KCNQ5: variants seen among roughly 807,000 people sequenced by gnomAD.
The protein encoded by KCNQ5 is potassium voltage-gated channel subfamily KQT member 5.
KCNQ5 carries 30 observed loss-of-function variants against 98.2 expected under a neutral mutation model. That is an observed-to-expected ratio of 0.31 (90% CI 0.23 to 0.41). The LOEUF (loss-of-function observed/expected upper bound fraction) is 0.41. KCNQ5 is among the 10% of genes least tolerant of loss of function. The pLI, the probability that KCNQ5 is intolerant of heterozygous loss-of-function variation, is 1.00. For synonymous variants in KCNQ5, 458 were observed against 449.4 expected, an observed-to-expected ratio of 1.02 and a Z score of -0.24; for missense variants, 835 against 1,182.5, an observed-to-expected ratio of 0.71 and a Z score of 4.31.
rs1427744248 is a variant in KCNQ5, at chr6:72,688,659, T to A, written c.398+66072T>A. Among the ~76,000 whole-genome samples the A allele has an allele frequency of 2.0e-5, 3 of 152,108 alleles. No homozygotes were observed. In the East Asian group the frequency reaches 5.8e-4, roughly 29 times the overall value. The stretch of plus-strand genomic sequence containing the variant: ...ATAAGTTATCTAAGTATATACGGAG[T>A]ATGGTCATACATTAAAAAAATACAA... On this transcript the variant is annotated intron_variant, in intron 1 of 13. Coordinates refer to ENST00000370398, the MANE Select transcript of KCNQ5 (RefSeq NM_019842.4).
intron 1 of KCNQ5, among the ~76,000 whole-genome samples, chr6:72,632,287 G>A (rs1308354922): frequency 6.6e-6 from 1 of 151,736 alleles, no homozygotes; most frequent in East Asian, 1.9e-4. Flanking sequence ...ACAGGCGCCC[G>A]CGACCACCCC....
intron 1 of KCNQ5, among the ~76,000 whole-genome samples, chr6:72,810,960 C>G (rs1446122822): frequency 6.6e-6 from 1 of 152,136 alleles, no homozygotes; most frequent in Non-Finnish European, 1.5e-5. Context: ...GTCTGGTTCT[C>G]CTTGGTACAG....
chr6:72,769,506 A>G (rs924465406), intron 1 of KCNQ5, among the ~76,000 whole-genome samples: 76 of 152,142 alleles, frequency 5.0e-4, no homozygotes, highest in African/African-American at 1.8e-3. Context: ...AAATCAGAAT[A>G]TCTGGAGGGG....
intron 2 of KCNQ5, among the ~76,000 whole-genome samples, chr6:73,035,842 T>C (rs1185981177): frequency 6.6e-6 from 1 of 152,192 alleles, no homozygotes; most frequent in Non-Finnish European, 1.5e-5. Flanking sequence ...TAAGATATAG[T>C]AGACATACCC....
At chr6:73,102,170 G>T (rs1052653401) in intron 5 of KCNQ5, among the ~76,000 whole-genome samples, 66 of 152,092 alleles carry the variant, frequency 4.3e-4, no homozygotes, top group Non-Finnish European at 2.9e-5. Flanking sequence ...TTCAATAAAA[G>T]GTGCTGGAGA....
chr6:73,148,363 T>C (rs1777003553), intron 10 of KCNQ5, among the ~76,000 whole-genome samples: 1 of 152,204 alleles, frequency 6.6e-6, no homozygotes, highest in South Asian at 2.1e-4. Flanking sequence ...AATGGGGTCT[T>C]TGATTGTGAA....
At chr6:72,799,956 T>A (rs1774548390) in intron 1 of KCNQ5, among the ~76,000 whole-genome samples, 1 of 152,198 alleles carries the variant, frequency 6.6e-6, no homozygotes, top group African/African-American at 2.4e-5. Context: ...TTTTATTTAT[T>A]ATATCATATG....
chr6:73,188,706 C>T (rs1018932395), intron 11 of KCNQ5, among the ~76,000 whole-genome samples: 7 of 152,126 alleles, frequency 4.6e-5, no homozygotes, highest in African/African-American at 1.4e-4. Context: ...ACATCTAGGC[C>T]GGGCGCGGTG....
At chr6:72,750,679 A>G (rs1771633636) in intron 1 of KCNQ5, among the ~76,000 whole-genome samples, 1 of 152,072 alleles carries the variant, frequency 6.6e-6, no homozygotes, top group Non-Finnish European at 1.5e-5. Flanking sequence ...GATACATTAA[A>G]ATATCTTAAT....
chr6:73,162,882 C>G (rs916619750), intron 10 of KCNQ5, among the ~76,000 whole-genome samples: 28 of 152,230 alleles, frequency 1.8e-4, no homozygotes, highest in Admixed American at 1.8e-3. Context: ...AAGCTGTGCA[C>G]TGAAGTTCAT....
intron 1 of KCNQ5, among the ~76,000 whole-genome samples, chr6:72,777,376 A>G (rs1313380484): frequency 1.3e-5 from 2 of 152,124 alleles, no homozygotes. Context: ...ATAAATATTT[A>G]AGAAAAATGA....
In KCNQ5 at chr6:73,138,503, T is replaced by A. The variant is rs148618840; in HGVS notation, c.1468+4862T>A. On this transcript the variant is annotated intron_variant, in intron 10 of 13. Coordinates refer to ENST00000370398, the MANE Select transcript of KCNQ5 (RefSeq NM_019842.4). ...GAGCTCCACCTTACAGTGCTTGATA[T>A]TAGCTAAACCCAACGTTCTGTAGTA... is the stretch of plus-strand genomic sequence containing the variant. 4.3e-4 allele frequency among the ~76,000 whole-genome samples: 66 copies of A among 152,318 alleles called. 1 individual carries two copies. In the East Asian group the frequency reaches 0.013, roughly 29 times the overall value.
chr6:72,969,520 G>GT (rs1217392356), intron 1 of KCNQ5, among the ~76,000 whole-genome samples: 2 of 152,052 alleles, frequency 1.3e-5, no homozygotes, highest in African/African-American at 4.8e-5. Context: ...TGTTGGGATG[G>GT]TATTTTCACT....
intron 1 of KCNQ5, among the ~76,000 whole-genome samples, chr6:72,999,227 T>C (rs1310041758): frequency 6.6e-6 from 1 of 152,218 alleles, no homozygotes; most frequent in Non-Finnish European, 1.5e-5. Context: ...AACAAATTGA[T>C]TCTTAATTAA....
At position 72,641,373 on chromosome 6, in the gene KCNQ5, G is replaced by C. The variant is rs73756003; in HGVS notation, c.398+18786G>C. Among the ~76,000 whole-genome samples the C allele has an allele frequency of 2.9e-3, 436 of 152,144 alleles. 2 individuals are homozygous for C. Among genetic ancestry groups the C allele is most frequent in the African/African-American group, 0.01 (418 of 41,508 alleles). On this transcript the variant is annotated intron_variant, in intron 1 of 13. Coordinates refer to ENST00000370398, the MANE Select transcript of KCNQ5 (RefSeq NM_019842.4). ...TTCATTACACTTGGTAAATTCATTA[G>C]GGCAAGGCAAATGTATTCATCCAGA...
intron 1 of KCNQ5, among the ~76,000 whole-genome samples, chr6:72,861,183 G>GA (rs892535869): frequency 3.3e-5 from 5 of 152,088 alleles, no homozygotes; most frequent in African/African-American, 1.2e-4. Flanking sequence ...GCCAAACAGG[G>GA]AAACAGCATG....
intron 3 of KCNQ5, among the ~76,000 whole-genome samples, chr6:73,047,186 C>T (rs756730788): frequency 6.6e-6 from 1 of 152,124 alleles, no homozygotes; most frequent in Non-Finnish European, 1.5e-5. Flanking sequence ...GAACATGATA[C>T]TATTATGCTT....
chr6:73,124,661 T>C, intron 9 of KCNQ5, 149 bp downstream of exon 9: 1 of 737,614 alleles, frequency 1.4e-6, no homozygotes, highest in Non-Finnish European at 2.4e-6. Flanking sequence ...GATTGCTATT[T>C]TATTGATATT....
intron 1 of KCNQ5, among the ~76,000 whole-genome samples, chr6:72,817,370 A>T (rs1350504695): frequency 3.3e-5 from 5 of 152,202 alleles, no homozygotes; most frequent in Non-Finnish European, 7.3e-5. Flanking sequence ...TAAACCAAAT[A>T]TTTTAATGTG....
Sources: allele counts gnomAD v4.1 joint callset (sites outside exome capture counted in the v4.1 genomes callset), GRCh38; gene constraint gnomAD v4.1.1; transcripts MANE v1.5; gene names NCBI Gene and HGNC (gene_info 2026-07-23, HGNC 2026-07-21).